Variants in DNAH3 observed in about 807,000 individuals in gnomAD.
DNAH3 encodes dynein axonemal heavy chain 3.
A neutral mutation model predicts 432.5 loss-of-function variants in DNAH3; 332 were observed. The observed-to-expected ratio is 0.77, with a 90% CI of 0.70 to 0.84. DNAH3 has a LOEUF of 0.84. DNAH3 is among the 40% of genes least tolerant of loss of function. The probability of loss-of-function intolerance (pLI) is 0.00; values close to 1 mark genes in which losing one functional copy is unlikely to be tolerated. For synonymous variants in DNAH3, 1,956 were observed against 1,900.2 expected (o/e 1.03, Z -0.76); for missense variants, 4,861 against 5,114.0 (o/e 0.95, Z 1.51).
intron 51 of DNAH3, among the ~76,000 whole-genome samples, chr16:20,970,334 G>A (rs2085281168): frequency 6.6e-6 from 1 of 152,172 alleles, no homozygotes; most frequent in African/African-American, 2.4e-5. Context: ...GACCAGTCTG[G>A]CCAACATGGC....
At chr16:21,053,445 G>A (rs531630540) in intron 28 of DNAH3, among the ~76,000 whole-genome samples, 1 of 152,290 alleles carries the variant, frequency 6.6e-6, no homozygotes, top group Admixed American at 6.5e-5. Flanking sequence ...GTGTGTATGT[G>A]CACTTGCATG....
intron 7 of DNAH3, among the ~76,000 whole-genome samples, chr16:21,129,587 A>T (rs2092514659): frequency 6.6e-6 from 1 of 150,962 alleles, no homozygotes; most frequent in Non-Finnish European, 1.5e-5. Flanking sequence ...AAAAAAAAAA[A>T]TTAGCCGGGC....
At position 21,128,551 on chromosome 16, in the gene DNAH3, C is replaced by T. The variant is rs7204712; in HGVS notation, c.1083-739G>A. ...CTACTAAAAATACAAAAAAATTAGC[C>T]GGGTGTGGTGGCGGGCGCCTGTAAT... On this transcript the variant is annotated intron_variant, in intron 7 of 61. Coordinates refer to ENST00000261383, the Ensembl canonical transcript of DNAH3. 7.2e-5 allele frequency among the ~76,000 whole-genome samples: 11 copies of T among 151,924 alleles called. No individual in the cohort carries two copies. The South Asian group carries it at 1.0e-3, about 14-fold the overall frequency.
At chr16:20,958,297 C>T (rs1187026679) in intron 54 of DNAH3, among the ~76,000 whole-genome samples, 2 of 152,060 alleles carry the variant, frequency 1.3e-5, no homozygotes, top group Non-Finnish European at 2.9e-5. Flanking sequence ...TGGCCTTGAA[C>T]TCCTGGGTTC....
chr16:20,944,434 G>T, intron 58 of DNAH3, 62 bp downstream of exon 58: 1 of 1,584,024 alleles, frequency 6.3e-7, no homozygotes, highest in East Asian at 2.2e-5. Flanking sequence ...AATCCTGTGT[G>T]CCCACTGGAT....
chr16:21,051,823 A>G (rs1329536211), exon 29 of DNAH3: 1 of 1,614,020 alleles, frequency 6.2e-7, no homozygotes, highest in Non-Finnish European at 8.5e-7. Flanking sequence ...GAAATCATTC[A>G]GATCGGAGAC....
At chr16:21,069,329 C>A in intron 23 of DNAH3, 86 bp downstream of exon 23, 1 of 1,194,442 alleles carries the variant, frequency 8.4e-7, no homozygotes, top group Non-Finnish European at 1.2e-6. Context: ...AGTTCATTTA[C>A]AAGTTTCAAG....
intron 58 of DNAH3, among the ~76,000 whole-genome samples, chr16:20,942,685 G>A (rs185317916): frequency 1.5e-3 from 224 of 152,230 alleles, no homozygotes; most frequent in Admixed American, 1.4e-3. Flanking sequence ...TTCTGGCTCC[G>A]TCCTTGATTT....
At chr16:21,148,175 A>G (rs2092809197) in intron 1 of DNAH3, among the ~76,000 whole-genome samples, 1 of 152,164 alleles carries the variant, frequency 6.6e-6, no homozygotes, top group Non-Finnish European at 1.5e-5. Flanking sequence ...CCAACCCCTT[A>G]AAGATGACTC....
chr16:21,145,633 T>C (rs959739160), intron 2 of DNAH3, among the ~76,000 whole-genome samples: 15 of 152,228 alleles, frequency 9.9e-5, no homozygotes, highest in Non-Finnish European at 2.2e-4. Flanking sequence ...ACCAGTAATT[T>C]TGAGGCAGGT....
rs2092350220 is a variant in DNAH3 at position 21,121,873 on chromosome 16, CA to C, written c.1584+71del. The C allele has an allele frequency of 2.2e-6, 3 of 1,388,718 alleles. No individual in the cohort carries two copies. In the Admixed American group the frequency reaches 6.3e-5, roughly 29 times the overall value. 86.0% of individuals were successfully genotyped at this position (1,388,718 alleles called of 1,614,324 possible). On this transcript the variant is annotated intron_variant, in intron 10 of 61. Coordinates refer to ENST00000261383, the Ensembl canonical transcript of DNAH3. ...GAATATCCCAGCGACCTGACTTGTACAACCTCTTTCAATACATTTTATTCAC... is the reference window on the plus strand; with the variant it reads ...GAATATCCCAGCGACCTGACTTGTACACCTCTTTCAATACATTTTATTCAC...
chr16:21,151,968 T>G (rs1262013600), intron 1 of DNAH3, among the ~76,000 whole-genome samples: 1 of 152,026 alleles, frequency 6.6e-6, no homozygotes, highest in Non-Finnish European at 1.5e-5. Context: ...GGTATGGTGG[T>G]TCATGCCTGT....
At chr16:21,039,514 G>A (rs1015751099) in intron 33 of DNAH3, among the ~76,000 whole-genome samples, 2 of 151,960 alleles carry the variant, frequency 1.3e-5, no homozygotes, top group East Asian at 1.9e-4. Context: ...CACCACACCC[G>A]GCCTTATACT....
chr16:21,144,920 C>T (rs1260652081), intron 3 of DNAH3, among the ~76,000 whole-genome samples: 3 of 151,898 alleles, frequency 2.0e-5, no homozygotes, highest in Admixed American at 2.0e-4. Context: ...GAGTTTGAGA[C>T]CAGCCTGGCC....
At chr16:21,127,639 G>C (rs2092469775) in intron 8 of DNAH3, 48 bp downstream of exon 9, 5 of 1,605,268 alleles carry the variant, frequency 3.1e-6, no homozygotes, top group Non-Finnish European at 4.3e-6. Flanking sequence ...AGGGTTTTCA[G>C]TCTTTAAGAT....
At position 20,938,028 on chromosome 16, in the gene DNAH3, C is replaced by A. The variant is rs28590109; in HGVS notation, c.11655-1175G>T. ...TCTCCAAAGCTTTATGGAATCTCAA[C>A]TGAATGGACATGAGAATGATCACAT... On this transcript the variant is annotated intron_variant, in intron 59 of 61. Coordinates refer to ENST00000261383, the Ensembl canonical transcript of DNAH3. 5.4e-3 allele frequency among the ~76,000 whole-genome samples: 828 copies of A among 152,258 alleles called. 10 individuals carry two copies. Among genetic ancestry groups the A allele is most frequent in the African/African-American group, 0.019 (786 of 41,558 alleles).
chr16:20,943,990 AAAAAAG>A (rs1258364468), intron 58 of DNAH3, among the ~76,000 whole-genome samples: 1 of 152,002 alleles, frequency 6.6e-6, no homozygotes, highest in Non-Finnish European at 1.5e-5. Context: ...TCTCAAAAAA[AAAAAAG>A]AAAAGAAAAG....
chr16:21,037,258 G>A (rs1413806388), intron 34 of DNAH3, among the ~76,000 whole-genome samples: 3 of 152,108 alleles, frequency 2.0e-5, no homozygotes, highest in African/African-American at 4.8e-5. Context: ...GCAATCAGTC[G>A]AGATCATGCC....
At chr16:21,010,533 TC>T (rs1158790551) in intron 41 of DNAH3, among the ~76,000 whole-genome samples, 1 of 152,176 alleles carries the variant, frequency 6.6e-6, no homozygotes, top group Non-Finnish European at 1.5e-5. Context: ...ATTGACAGAA[TC>T]CCACAAGGGT....
Sources: allele counts gnomAD v4.1 joint callset (sites outside exome capture counted in the v4.1 genomes callset), GRCh38; gene constraint gnomAD v4.1.1; transcripts MANE v1.5; gene names NCBI Gene and HGNC (gene_info 2026-07-23, HGNC 2026-07-21).